Variants in GOLIM4 observed in about 807,000 individuals in gnomAD.
The protein encoded by GOLIM4 is golgi integral membrane protein 4.
Under a neutral mutation model 107.4 loss-of-function variants are expected in GOLIM4, and 71 were observed. That is an observed-to-expected ratio of 0.66 (90% confidence interval 0.55 to 0.81). The LOEUF (loss-of-function observed/expected upper bound fraction) is 0.81, where lower values mean the gene tolerates loss of function less well. Ranked by LOEUF, GOLIM4 falls within the 30% of genes least tolerant of loss-of-function variation. The pLI is 0.00. For synonymous variants in GOLIM4, 327 were observed against 294.8 expected, an observed-to-expected ratio of 1.11 and a Z score of -1.12; for missense variants, 830 against 826.1, an observed-to-expected ratio of 1.00 and a Z score of -0.06.
Position 168,043,573 on chromosome 3 carries a change from TATATG to T in GOLIM4, c.367-49_367-45del, listed in dbSNP as rs1237546620. 35 of 1,495,756 alleles carry T rather than the reference TATATG, an allele frequency of 2.3e-5. No homozygotes were observed. In the African/African-American group the frequency reaches 3.8e-4, roughly 16 times the overall value. 92.7% of individuals were successfully genotyped at this position (1,495,756 alleles called of 1,614,324 possible). On this transcript the variant is annotated intron_variant, in intron 4 of 15. Coordinates refer to ENST00000470487, the MANE Select transcript of GOLIM4 (RefSeq NM_014498.5). ...GAGTAGAAATATACATTCTCTGAAT[TATATG>T]AGAGTCTATTTCTTGACAGCACAGT...
chr3:168,069,442 C>A (rs1263148380), intron 1 of GOLIM4, among the ~76,000 whole-genome samples: 1 of 152,112 alleles, frequency 6.6e-6, no homozygotes, highest in East Asian at 1.9e-4. Context: ...GTTTGAAATG[C>A]TTTTCAATAA....
intron 1 of GOLIM4, among the ~76,000 whole-genome samples, chr3:168,053,061 C>G (rs1378885083): frequency 2.0e-5 from 3 of 152,150 alleles, no homozygotes; most frequent in Non-Finnish European, 4.4e-5. Flanking sequence ...TTCCATGCAA[C>G]CAGGAATGGA....
intron 14 of GOLIM4, among the ~76,000 whole-genome samples, chr3:168,012,840 G>A (rs1190330090): frequency 6.6e-6 from 1 of 151,940 alleles, no homozygotes; most frequent in African/African-American, 2.4e-5. Flanking sequence ...AGCAAATGCT[G>A]AGAGATTTTG....
intron 1 of GOLIM4, among the ~76,000 whole-genome samples, chr3:168,048,734 A>AC (rs914252299): frequency 1.3e-5 from 2 of 148,980 alleles, no homozygotes; most frequent in Non-Finnish European, 3.0e-5. Context: ...CAAAGCAGTT[A>AC]CCCCCACATC....
chr3:168,044,079 T>TA (rs1719168566), intron 4 of GOLIM4, among the ~76,000 whole-genome samples: 1 of 152,248 alleles, frequency 6.6e-6, no homozygotes. Context: ...ATGATCTAGA[T>TA]AAACACTACA....
intron 1 of GOLIM4, among the ~76,000 whole-genome samples, chr3:168,054,323 G>T (rs571602291): frequency 6.6e-6 from 1 of 152,106 alleles, no homozygotes; most frequent in East Asian, 1.9e-4. Context: ...TTACCCCATC[G>T]TTCATCCTGC....
intron 12 of GOLIM4, among the ~76,000 whole-genome samples, chr3:168,026,145 G>A (rs1206927819): frequency 6.6e-6 from 1 of 152,108 alleles, no homozygotes; most frequent in African/African-American, 2.4e-5. Flanking sequence ...TCTATTATCT[G>A]CACATCCCTG....
At chr3:168,018,983 C>CAAAAA (rs201919414) in intron 14 of GOLIM4, among the ~76,000 whole-genome samples, 2 of 120,810 alleles carry the variant, frequency 1.7e-5, no homozygotes, top group African/African-American at 5.6e-5. Flanking sequence ...CTATGTAGCA[C>CAAAAA]AAAAAAAAAA....
intron 2 of GOLIM4, 139 bp downstream of exon 2, chr3:168,048,152 A>T: frequency 1.5e-6 from 1 of 655,670 alleles, no homozygotes; most frequent in Admixed American, 2.8e-5. Context: ...ATTACTTGAC[A>T]TGTCTTTCTC....
At chr3:168,089,935 T>A (rs1196739769) in intron 1 of GOLIM4, among the ~76,000 whole-genome samples, 1 of 152,070 alleles carries the variant, frequency 6.6e-6, no homozygotes, top group Non-Finnish European at 1.5e-5. Context: ...ACCTGGCTAA[T>A]TTTTGTATTT....
Position 168,040,863 on chromosome 3 carries a change from G to T in GOLIM4, c.607C>A (p.His203Asn), listed in dbSNP as rs558120876. Residue 203 changes from histidine to asparagine, a missense_variant, in exon 7 of 16, where the codon CAT (histidine) becomes AAT (asparagine). Physicochemically the swap from His to Asn is moderately conservative, Grantham distance 68. Transcript: ENST00000470487. ...TCATGCTCGGAGAGTAAATTCTTAT[G>T]CTGTTGCTACACAAAAAAGAATTTT... ...HTQLQDVKQQ[H>N]KNLLSEHEQL... 2.5e-6 allele frequency: 4 copies of T among 1,607,472 alleles called. No homozygotes were observed. The South Asian group carries it at 4.4e-5, about 18-fold the overall frequency.
intron 1 of GOLIM4, among the ~76,000 whole-genome samples, chr3:168,061,537 C>T (rs1377799584): frequency 6.6e-6 from 1 of 152,186 alleles, no homozygotes; most frequent in Non-Finnish European, 1.5e-5. Context: ...CAGCATTACT[C>T]ATAACAGCCC....
chr3:168,087,433 T>C (rs1049510040), intron 1 of GOLIM4, among the ~76,000 whole-genome samples: 1 of 152,178 alleles, frequency 6.6e-6, no homozygotes, highest in Admixed American at 6.5e-5. Context: ...AGGAAAGCAT[T>C]GAAAGGAAAT....
At chr3:168,065,103 A>G (rs1720483336) in intron 1 of GOLIM4, among the ~76,000 whole-genome samples, 2 of 152,302 alleles carry the variant, frequency 1.3e-5, no homozygotes, top group South Asian at 4.1e-4. Flanking sequence ...TAACAAATTC[A>G]CTGTTCACAA....
intron 8 of GOLIM4, among the ~76,000 whole-genome samples, chr3:168,033,270 A>G (rs1000413443): frequency 6.6e-6 from 1 of 152,174 alleles, no homozygotes; most frequent in African/African-American, 2.4e-5. Context: ...AAAATTGAGG[A>G]GTTGGGTTTA....
At chr3:168,075,533 C>T (rs1405064348) in intron 1 of GOLIM4, among the ~76,000 whole-genome samples, 6 of 151,726 alleles carry the variant, frequency 4.0e-5, no homozygotes, top group Non-Finnish European at 5.9e-5. Flanking sequence ...CTCCTGACCT[C>T]GTGATCCGCC....
Position 168,032,856 on chromosome 3 carries a change from G to A in GOLIM4, c.844-4C>T. ...ACACATCATTATTTCGAGACACCTA[G>A]GCCAAGCACATCACTGGGAATGACA... is the stretch of plus-strand genomic sequence containing the variant. On this transcript the variant is annotated splice_polypyrimidine_tract_variant and splice_region_variant and intron_variant, in intron 8 of 15. Transcript: ENST00000470487. 6.3e-7 allele frequency: 1 copy of A among 1,598,752 alleles called. No individual in the cohort carries two copies. Among genetic ancestry groups the A allele is most frequent in the Non-Finnish European group, 8.6e-7 (1 of 1,168,956 alleles).
intron 1 of GOLIM4, among the ~76,000 whole-genome samples, chr3:168,058,678 T>C (rs529268383): frequency 6.6e-6 from 1 of 152,308 alleles, no homozygotes; most frequent in South Asian, 2.1e-4. Context: ...CATAATGAAC[T>C]GCTGAGTCAG....
chr3:168,036,424 C>A (rs573186332), intron 8 of GOLIM4, among the ~76,000 whole-genome samples: 1 of 152,292 alleles, frequency 6.6e-6, no homozygotes, highest in African/African-American at 2.4e-5. Flanking sequence ...GCCTATAATC[C>A]CAGCTACTCG....
Sources: gnomAD v4.1 joint callset for allele counts (sites outside exome capture counted in the v4.1 genomes callset) on GRCh38, gnomAD v4.1.1 for gene constraint, MANE v1.5 for transcripts, NCBI Gene and HGNC (gene_info 2026-07-23, HGNC 2026-07-21) for gene names.